The following HDGF variants were observed in gnomAD, a reference collection of about 807,000 sequenced individuals.
HDGF encodes heparin binding growth factor.
HDGF carries 5 observed loss-of-function variants against 30.0 expected under a neutral mutation model. The ratio of observed to expected loss-of-function variants is 0.17; its 90% confidence interval spans 0.09 to 0.35. The LOEUF is 0.35. Among genes scored for constraint, HDGF ranks in the 10% least tolerant of loss-of-function variants. The pLI is 1.00. For missense variants in HDGF, 214 were observed against 302.8 expected (o/e 0.71, Z 2.18); for synonymous variants, 133 against 112.7 (o/e 1.18, Z -1.14).
At chr1:156,766,019 T>C (rs917345039) in intron 1 of HDGF, among the ~76,000 whole-genome samples, 4 of 152,344 alleles carry the variant, frequency 2.6e-5, no homozygotes, top group Middle Eastern at 3.4e-3. Context: ...CCCACATCTA[T>C]TGAATAGGAA....
chr1:156,743,545 A>G, intron 5 of HDGF, 90 bp from the exon 6 acceptor site: 1 of 1,576,078 alleles, frequency 6.3e-7, no homozygotes, highest in Non-Finnish European at 8.7e-7. Context: ...AGGAGAGCCC[A>G]CCCTGCCTCC....
At chr1:156,757,962 A>G (rs1651179294) in intron 2 of HDGF, among the ~76,000 whole-genome samples, 1 of 152,146 alleles carries the variant, frequency 6.6e-6, no homozygotes, top group South Asian at 2.1e-4. Flanking sequence ...GTTCCAGGGC[A>G]GTGGCTGTTG....
intron 1 of HDGF, among the ~76,000 whole-genome samples, chr1:156,762,948 A>G (rs905448872): frequency 6.6e-6 from 1 of 151,796 alleles, no homozygotes; most frequent in African/African-American, 2.4e-5. Flanking sequence ...CCCTGGTATC[A>G]GACTCTAAAC....
At chr1:156,755,236 T>G (rs1385630157), upstream of HDGF, among the ~76,000 whole-genome samples, 2 of 152,086 alleles carry the variant, frequency 1.3e-5, no homozygotes. Context: ...CAGATAAGGT[T>G]GTGGGGTGCA....
At chr1:156,751,805 C>T (rs1253983416), upstream of HDGF, 4 of 1,135,828 alleles carry the variant, frequency 3.5e-6, no homozygotes, top group Non-Finnish European at 4.5e-6. The surrounding 1 kb of genome is among the most constrained non-coding windows in gnomAD (Gnocchi z 4.7). Flanking sequence ...CGCTCCCTCC[C>T]GCGGCGGTTT....
At chr1:156,745,224 A>G (rs1282810984) in intron 2 of HDGF, 73 bp downstream of exon 2, 1 of 1,609,156 alleles carries the variant, frequency 6.2e-7, no homozygotes, top group Non-Finnish European at 8.5e-7. Flanking sequence ...AAGGGGCACC[A>G]ACACCACCTC....
chr1:156,754,316 G>C (rs1218033752), upstream of HDGF, among the ~76,000 whole-genome samples: 1 of 152,208 alleles, frequency 6.6e-6, no homozygotes, highest in Non-Finnish European at 1.5e-5. Context: ...AATAGCCAGC[G>C]TGGAAGTGGA....
intron 1 of HDGF, among the ~76,000 whole-genome samples, chr1:156,748,851 A>C (rs1232363369): frequency 6.6e-6 from 1 of 152,132 alleles, no homozygotes; most frequent in African/African-American, 2.4e-5. Context: ...TGGGGCCAGG[A>C]AAGTGTGGCA....
intron 2 of HDGF, among the ~76,000 whole-genome samples, chr1:156,757,800 A>C (rs2102737500): frequency 6.6e-6 from 1 of 152,234 alleles, no homozygotes; most frequent in Admixed American, 6.5e-5. Flanking sequence ...AAAAAAAAAA[A>C]AAAGTTCAAT....
chr1:156,760,918 G>A (rs559505551), intron 1 of HDGF, among the ~76,000 whole-genome samples: 50 of 151,962 alleles, frequency 3.3e-4, no homozygotes, highest in African/African-American at 1.2e-3. Context: ...AAGAGGCCAG[G>A]TGCAGTGGCG....
intron 1 of HDGF, among the ~76,000 whole-genome samples, chr1:156,764,146 A>T (rs1651307685): frequency 6.6e-6 from 1 of 152,002 alleles, no homozygotes; most frequent in African/African-American, 2.4e-5. Context: ...TCCAACTCTT[A>T]GACTCAAGGG....
chr1:156,757,866 T>G (rs1290133714), intron 2 of HDGF, among the ~76,000 whole-genome samples: 4 of 152,174 alleles, frequency 2.6e-5, no homozygotes, highest in African/African-American at 9.7e-5. Context: ...CTGGCCACAT[T>G]GCAAGTGTTC....
rs1417246149 is a variant in HDGF, at chr1:156,744,133, G to T, written c.489+30C>A. ...GATACCCCATGGGGAATGTTGAGGG[G>T]GGCCCAGGCCCTGGGCAGGCAGCAG... On this transcript the variant is annotated intron_variant, in intron 4 of 5. Transcript: ENST00000357325. 8 of 1,600,848 alleles carry T rather than the reference G, an allele frequency of 5.0e-6. No individual in the cohort carries two copies. The African/African-American group carries it at 6.7e-5, about 13-fold the overall frequency.
At chr1:156,766,740 A>C (rs1558041899) in intron 1 of HDGF, 1 of 152,274 alleles carries the variant, frequency 6.6e-6, no homozygotes, top group Non-Finnish European at 1.5e-5. Flanking sequence ...GATTCCTCAG[A>C]ACGGTCGCCC....
intron 1 of HDGF, among the ~76,000 whole-genome samples, chr1:156,765,407 T>C (rs1447368371): frequency 7.6e-6 from 1 of 132,130 alleles, no homozygotes; most frequent in Non-Finnish European, 1.7e-5. Flanking sequence ...TTATCCATTT[T>C]TCTTTCTTTC....
intron 1 of HDGF, among the ~76,000 whole-genome samples, chr1:156,747,824 T>G (rs1007576757): frequency 6.6e-6 from 1 of 152,114 alleles, no homozygotes; most frequent in African/African-American, 2.4e-5. Flanking sequence ...TGAGGTTCTT[T>G]GCAGAAGCAC....
chr1:156,742,421 C>G lies in HDGF; in HGVS notation c.*1028G>C, dbSNP rs777212858. The G allele has an allele frequency of 6.6e-6, 1 of 152,638 alleles. No homozygotes were observed. Among genetic ancestry groups the G allele is most frequent in the African/African-American group, 2.4e-5 (1 of 41,436 alleles). The allele number at this position is 152,638 out of a possible 1,614,324, so 9.5% of individuals were successfully genotyped here. On this transcript the variant is annotated 3_prime_UTR_variant, in exon 6 of 6. Transcript: ENST00000357325. ...GCCCCAGCTACAAAAAGAAAGTCAT[C>G]AAGCCCCAAATAGAAGGGGAGCCTC...
At position 156,745,161 on chromosome 1, in the gene HDGF, G is replaced by A. The variant is rs1650437021; in HGVS notation, c.165-15C>T. ...CCAGGAATGCCCTGGTGAGAGATGG[G>A]AGACTGTGCTCTCAAGCCCCTCACT... On this transcript the variant is annotated splice_polypyrimidine_tract_variant and intron_variant, in intron 2 of 5. Coordinates refer to ENST00000357325, the MANE Select transcript of HDGF (RefSeq NM_004494.3). The A allele has an allele frequency of 6.2e-7, 1 of 1,613,938 alleles. No homozygotes were observed. Among genetic ancestry groups the A allele is most frequent in the Non-Finnish European group, 8.5e-7 (1 of 1,179,978 alleles).
At position 156,743,843 on chromosome 1, in the gene HDGF, A is replaced by T. The variant is rs1193159362; in HGVS notation, c.525T>A (p.Pro175=). The change falls in exon 5 of 6, where the codon CCT becomes CCA. Residue 175 remains proline (P), a synonymous_variant. Transcript: ENST00000357325. ...SPKRPKEAEN[P]EGEEKEAATL... is the part of the protein sequence containing the mutation. The stretch of plus-strand genomic sequence containing the variant: ...TGGCTGCCTCCTTCTCCTCTCCTTC[A>T]GGGTTTTCTGCCTCCTTGGGACGTT... 1 of 1,613,302 alleles carries T rather than the reference A, an allele frequency of 6.2e-7. No individual in the cohort carries two copies. The highest frequency in any genetic ancestry group is 1.1e-5 in the South Asian group (1 of 91,034).
Sources: allele counts gnomAD v4.1 joint callset (sites outside exome capture counted in the v4.1 genomes callset), GRCh38; gene constraint gnomAD v4.1.1; non-coding constraint Gnocchi (gnomAD v3.1); transcripts MANE v1.5; gene names NCBI Gene and HGNC (gene_info 2026-07-23, HGNC 2026-07-21).